PTPRD: variants seen among roughly 807,000 people sequenced by gnomAD.
The protein encoded by PTPRD is protein tyrosine phosphatase receptor type D, also known as receptor-type tyrosine-protein phosphatase delta.
PTPRD carries 34 observed loss-of-function variants against 214.5 expected under a neutral mutation model. That is an observed-to-expected ratio of 0.16 (90% CI 0.12 to 0.21). The LOEUF is 0.21. PTPRD is among the 10% of genes least tolerant of loss of function. The probability of loss-of-function intolerance (pLI) is 1.00; values close to 1 mark genes in which losing one functional copy is unlikely to be tolerated. For synonymous variants in PTPRD, 1,128 were observed against 845.7 expected (o/e 1.33, Z -5.79); for missense variants, 2,545 against 2,398.7 (o/e 1.06, Z -1.27).
chr9:9,121,969 T>G (rs980422485), intron 10 of PTPRD, among the ~76,000 whole-genome samples: 2 of 152,208 alleles, frequency 1.3e-5, no homozygotes, highest in Admixed American at 1.3e-4. Context: ...TTAATGAGCA[T>G]CAAGATATTT....
At chr9:10,571,749 T>C (rs2067509187) in intron 2 of PTPRD, among the ~76,000 whole-genome samples, 1 of 152,212 alleles carries the variant, frequency 6.6e-6, no homozygotes, top group Non-Finnish European at 1.5e-5. Context: ...GATGAAATTG[T>C]TCCACCTCAG....
At chr9:9,988,612 C>T (rs1322551783) in intron 4 of PTPRD, among the ~76,000 whole-genome samples, 2 of 151,994 alleles carry the variant, frequency 1.3e-5, no homozygotes, top group Non-Finnish European at 2.9e-5. Flanking sequence ...ATCTTTTTTT[C>T]TGCCTAGTAA....
intron 3 of PTPRD, among the ~76,000 whole-genome samples, chr9:10,069,818 T>A (rs946011149): frequency 6.6e-6 from 1 of 152,054 alleles, no homozygotes; most frequent in African/African-American, 2.4e-5. Context: ...TGTGTTGACA[T>A]GTTTCTGTAT....
Position 10,289,568 on chromosome 9 carries a change from G to A in PTPRD, c.-545+51395C>T, listed in dbSNP as rs568927163. 3.4e-4 allele frequency among the ~76,000 whole-genome samples: 51 copies of A among 152,124 alleles called. No homozygotes were observed. The South Asian group carries it at 6.4e-3, about 19-fold the overall frequency. On this transcript the variant is annotated intron_variant, in intron 3 of 45. Transcript: ENST00000381196. ...GGTAGGTTGCTTCCCCTACCGCCCCGCCATTTGTGCTAATATTCCAACTGG... is the reference window on the plus strand; with the variant it reads ...GGTAGGTTGCTTCCCCTACCGCCCCACCATTTGTGCTAATATTCCAACTGG...
intron 11 of PTPRD, chr9:8,958,585 G>A (rs887965875): frequency 2.6e-5 from 4 of 151,934 alleles, no homozygotes; most frequent in African/African-American, 9.7e-5. Flanking sequence ...CAAGGACTAA[G>A]CCAATAAAGC....
At chr9:8,679,266 T>A (rs2097502234) in intron 12 of PTPRD, among the ~76,000 whole-genome samples, 1 of 152,182 alleles carries the variant, frequency 6.6e-6, no homozygotes, top group African/African-American at 2.4e-5. Flanking sequence ...TTTCAGCAAA[T>A]CACATCCTCT....
intron 12 of PTPRD, among the ~76,000 whole-genome samples, chr9:8,732,023 G>A (rs546582128): frequency 1.8e-4 from 27 of 152,288 alleles, no homozygotes; most frequent in East Asian, 3.9e-4. Flanking sequence ...ACTAAAAATT[G>A]CTAACAAGGG....
intron 11 of PTPRD, among the ~76,000 whole-genome samples, chr9:8,961,641 C>A (rs537589267): frequency 6.6e-6 from 1 of 152,188 alleles, no homozygotes; most frequent in South Asian, 2.1e-4. Flanking sequence ...ATCATTTGTG[C>A]CCCATAGCTG....
chr9:9,830,952 G>C (rs2054627045), intron 5 of PTPRD, among the ~76,000 whole-genome samples: 2 of 151,868 alleles, frequency 1.3e-5, no homozygotes, highest in Admixed American at 6.6e-5. Context: ...GAATATGCAA[G>C]AACTCTGGAT....
chr9:8,687,541 G>C (rs1161495781), intron 12 of PTPRD, among the ~76,000 whole-genome samples: 3 of 152,152 alleles, frequency 2.0e-5, no homozygotes. Flanking sequence ...AAACAACAAT[G>C]TGTACTGTGA....
At chr9:9,575,925 C>G (rs1015628071) in intron 7 of PTPRD, among the ~76,000 whole-genome samples, 2 of 151,810 alleles carry the variant, frequency 1.3e-5, no homozygotes, top group Admixed American at 6.6e-5. Flanking sequence ...GAAAAGAAAA[C>G]TAAATATTTA....
intron 8 of PTPRD, among the ~76,000 whole-genome samples, chr9:9,408,365 G>C (rs958138380): frequency 5.3e-5 from 8 of 151,722 alleles, no homozygotes; most frequent in African/African-American, 1.7e-4. Flanking sequence ...AGCACGACAA[G>C]CATTTTTTCC....
At chr9:9,895,129 A>G (rs935466965) in intron 5 of PTPRD, among the ~76,000 whole-genome samples, 6 of 152,102 alleles carry the variant, frequency 3.9e-5, no homozygotes, top group Admixed American at 1.3e-4. Flanking sequence ...TTGTAAGACT[A>G]TAAAAATGAA....
intron 3 of PTPRD, among the ~76,000 whole-genome samples, chr9:10,158,524 G>A (rs75379551): frequency 6.6e-6 from 1 of 152,134 alleles, no homozygotes; most frequent in Non-Finnish European, 1.5e-5. Context: ...AAGCAAGCTA[G>A]CTTCACTGCC....
At chr9:9,069,846 G>A (rs1026261811) in intron 10 of PTPRD, among the ~76,000 whole-genome samples, 3 of 152,172 alleles carry the variant, frequency 2.0e-5, no homozygotes, top group Non-Finnish European at 2.9e-5. Context: ...GTTCACTAAA[G>A]CAGTGCCAGA....
At chr9:8,791,590 C>T (rs539139302) in intron 11 of PTPRD, among the ~76,000 whole-genome samples, 4 of 134,656 alleles carry the variant, frequency 3.0e-5, no homozygotes, top group African/African-American at 8.7e-5. Context: ...TGCAGTGGGG[C>T]GATCTCGGCT....
chr9:9,753,631 A>G (rs1039555682), intron 6 of PTPRD, among the ~76,000 whole-genome samples: 3 of 152,026 alleles, frequency 2.0e-5, no homozygotes, highest in African/African-American at 7.2e-5. Flanking sequence ...AGCTTAGGGT[A>G]TGAAAGTTCA....
chr9:8,462,795 C>T (rs1411251899), intron 32 of PTPRD, among the ~76,000 whole-genome samples: 2 of 151,780 alleles, frequency 1.3e-5, no homozygotes, highest in African/African-American at 4.8e-5. Flanking sequence ...TTATTTAGTC[C>T]TTGTTTTTTT....
intron 39 of PTPRD, among the ~76,000 whole-genome samples, chr9:8,358,829 T>C (rs1303288391): frequency 6.6e-6 from 1 of 151,952 alleles, no homozygotes; most frequent in African/African-American, 2.4e-5. Context: ...AAATGTAATA[T>C]AAAATTGAAT....
Sources: gnomAD v4.1 joint callset for allele counts (sites outside exome capture counted in the v4.1 genomes callset) on GRCh38, gnomAD v4.1.1 for gene constraint, MANE v1.5 for transcripts, NCBI Gene and HGNC (gene_info 2026-07-23, HGNC 2026-07-21) for gene names.